The following SYNRG variants were observed in gnomAD, a reference collection of about 807,000 sequenced individuals.
SYNRG encodes the protein synergin gamma.
SYNRG carries 37 observed loss-of-function variants against 130.9 expected under a neutral mutation model. That is an observed-to-expected ratio of 0.28 (90% CI 0.22 to 0.37). The LOEUF (loss-of-function observed/expected upper bound fraction) is 0.37, where lower values mean the gene tolerates loss of function less well. SYNRG is among the 10% of genes least tolerant of loss of function. The probability of loss-of-function intolerance (pLI) is 1.00; values close to 1 mark genes in which losing one functional copy is unlikely to be tolerated. For synonymous variants in SYNRG, 539 were observed against 568.1 expected, an observed-to-expected ratio of 0.95 and a Z score of 0.73; for missense variants, 1,338 against 1,588.9, an observed-to-expected ratio of 0.84 and a Z score of 2.68.
chr17:37,607,136 T>C (rs1284891336), intron 1 of SYNRG, among the ~76,000 whole-genome samples: 1 of 152,188 alleles, frequency 6.6e-6, no homozygotes, highest in African/African-American at 2.4e-5. Flanking sequence ...TAACCACTTC[T>C]TTCTCTCCTG....
chr17:37,570,084 T>C (rs1276292575), intron 10 of SYNRG, among the ~76,000 whole-genome samples: 2 of 151,984 alleles, frequency 1.3e-5, no homozygotes, highest in African/African-American at 4.8e-5. Flanking sequence ...GAGTTACTAT[T>C]CTTGGGATAG....
intron 1 of SYNRG, 139 bp from the exon 2 acceptor site, chr17:37,600,542 A>T: frequency 1.2e-6 from 1 of 820,856 alleles, no homozygotes; most frequent in Non-Finnish European, 2.1e-6. Context: ...ATTGCCCAAC[A>T]TCAGTACACT....
At chr17:37,535,467 A>G (rs1384117323) in intron 19 of SYNRG, among the ~76,000 whole-genome samples, 1 of 152,224 alleles carries the variant, frequency 6.6e-6, no homozygotes, top group African/African-American at 2.4e-5. Context: ...AGACACACAC[A>G]CTGACCTCCT....
intron 19 of SYNRG, among the ~76,000 whole-genome samples, chr17:37,532,632 C>CATTG (rs1269879464): frequency 7.6e-6 from 1 of 130,944 alleles, no homozygotes; most frequent in Non-Finnish European, 1.5e-5. Flanking sequence ...GAGATTGCAC[C>CATTG]ATTGCACTCC....
chr17:37,520,982 G>A (rs1041538706), intron 19 of SYNRG, among the ~76,000 whole-genome samples: 1 of 152,010 alleles, frequency 6.6e-6, no homozygotes, highest in African/African-American at 2.4e-5. Flanking sequence ...AGCCCAACTC[G>A]AGGAGGATGG....
At chr17:37,532,333 A>G (rs192911441) in intron 19 of SYNRG, among the ~76,000 whole-genome samples, 1 of 152,172 alleles carries the variant, frequency 6.6e-6, no homozygotes, top group South Asian at 2.1e-4. Flanking sequence ...CCACATCAAC[A>G]CTATTAGTAT....
At chr17:37,566,031 C>T (rs2059956207) in intron 11 of SYNRG, among the ~76,000 whole-genome samples, 4 of 149,036 alleles carry the variant, frequency 2.7e-5, no homozygotes, top group African/African-American at 1.0e-4. Flanking sequence ...GCCCCCCGCC[C>T]GGCCAGCCGT....
In SYNRG at chr17:37,571,801, G is replaced by A. The variant is rs1249672678; in HGVS notation, c.1088C>T (p.Ala363Val). Residue 363 changes from alanine to valine, a missense_variant, in exon 9 of 22, where the codon GCG becomes GTG. By Grantham distance (64) the Ala-to-Val change is moderately conservative (BLOSUM62 0). Coordinates refer to ENST00000612223, the MANE Select transcript of SYNRG (RefSeq NM_007247.6). ...AGAAACATTGTTTACCTGTGTTACCGCTATCATGGCTAGAACGGTATAAAG... is the reference window on the plus strand; with the variant it reads ...AGAAACATTGTTTACCTGTGTTACCACTATCATGGCTAGAACGGTATAAAG... ...EELYTVLAMI[A>V]VTQRGVPAMS... 1.0e-5 allele frequency: 16 copies of A among 1,607,408 alleles called. No homozygotes were observed. The highest frequency in any genetic ancestry group is 1.4e-5 in the Non-Finnish European group (16 of 1,177,556).
chr17:37,541,883 A>C, intron 15 of SYNRG, 89 bp downstream of exon 15: 1 of 1,241,000 alleles, frequency 8.1e-7, no homozygotes, highest in Admixed American at 2.2e-5. Context: ...TTCCTGCGAA[A>C]CCAGAGAGCA....
chr17:37,561,112 G>T (rs2059496955), intron 13 of SYNRG, 83 bp downstream of exon 13: 2 of 1,145,318 alleles, frequency 1.7e-6, no homozygotes, highest in Non-Finnish European at 2.6e-6. Flanking sequence ...AAAATAAAGG[G>T]AATGCCACTG....
At chr17:37,584,816 C>T (rs2061576397) in intron 5 of SYNRG, 57 bp from the exon 6 acceptor site, 1 of 1,313,812 alleles carries the variant, frequency 7.6e-7, no homozygotes, top group African/African-American at 1.5e-5. Context: ...GTATCCTAAA[C>T]CCTCCCAAAT....
chr17:37,570,893 TGATA>T lies in SYNRG; in HGVS notation c.1099-12_1099-9del, dbSNP rs1157147265. On this transcript the variant is annotated splice_polypyrimidine_tract_variant and intron_variant, in intron 9 of 21. Transcript: ENST00000612223. Reference sequence around the variant, plus strand: ...CATTGCAGGAACGCCCCTCTACAAATGATAGAAAGAAAATGGATTAGAGGATTGT... The same window carrying T: ...CATTGCAGGAACGCCCCTCTACAAATGAAAGAAAATGGATTAGAGGATTGT... 1 of 1,608,112 alleles carries T rather than the reference TGATA, an allele frequency of 6.2e-7. No homozygotes were observed. The highest frequency in any genetic ancestry group is 1.3e-5 in the African/African-American group (1 of 74,598).
intron 3 of SYNRG, among the ~76,000 whole-genome samples, chr17:37,592,340 C>T (rs8077008): frequency 0.16 from 24,155 of 152,042 alleles, 2,092 homozygotes; most frequent in Middle Eastern, 0.27. Context: ...GATACATTGC[C>T]GGTGGGAATG....
At chr17:37,604,785 T>G (rs1308405483) in intron 1 of SYNRG, among the ~76,000 whole-genome samples, 1 of 152,154 alleles carries the variant, frequency 6.6e-6, no homozygotes, top group African/African-American at 2.4e-5. Flanking sequence ...TCCTTTCACT[T>G]GAACACTTAG....
chr17:37,596,390 A>G (rs1336235691), intron 2 of SYNRG, 46 bp from the exon 3 acceptor site: 2 of 1,603,800 alleles, frequency 1.2e-6, no homozygotes, highest in Non-Finnish European at 1.7e-6. Flanking sequence ...TTTAAAGTTT[A>G]TTTTCTTAAA....
chr17:37,536,332 T>A, intron 18 of SYNRG: 1 of 603,854 alleles, frequency 1.7e-6, no homozygotes, highest in Non-Finnish European at 2.7e-6. Flanking sequence ...ACTGCTTGGG[T>A]TCAAACCCCA....
At position 37,607,955 on chromosome 17, in the gene SYNRG, C is replaced by CAAAAAAA. The variant is rs67822733; in HGVS notation, c.77+1317_77+1323dup. The stretch of plus-strand genomic sequence containing the variant: ...TGGGCAACAGAGCAAGACTTCCTCT[C>CAAAAAAA]AAAAAAAAAAAAAAAAAAAAAAAAA... On this transcript the variant is annotated intron_variant, in intron 1 of 21. Coordinates refer to ENST00000612223, the MANE Select transcript of SYNRG (RefSeq NM_007247.6). 6.4e-3 allele frequency among the ~76,000 whole-genome samples: 327 copies of CAAAAAAA among 50,994 alleles called. 18 individuals carry two copies. Among genetic ancestry groups the CAAAAAAA allele is most frequent in the East Asian group, 0.016 (25 of 1,554 alleles). The allele number at this position is 50,994 out of a possible 152,430, so 33.5% of individuals were successfully genotyped here.
At chr17:37,608,626 C>CAG (rs1375080354) in intron 1 of SYNRG, among the ~76,000 whole-genome samples, 6 of 152,164 alleles carry the variant, frequency 3.9e-5, no homozygotes, top group African/African-American at 7.2e-5. Context: ...TGCTGTTTAA[C>CAG]AGTGCACTTT....
rs544406376 is a variant in SYNRG at position 37,524,498 on chromosome 17, G to GT, written c.3667-3851dup. ...GTTTTCAGAGAAGAAAAGGTGAGGTGTATGTTTCAACTGTGTGCAAAAGGA... is the reference window on the plus strand; with the variant it reads ...GTTTTCAGAGAAGAAAAGGTGAGGTGTTATGTTTCAACTGTGTGCAAAAGGA... On this transcript the variant is annotated intron_variant, in intron 19 of 21. Coordinates refer to ENST00000612223, the MANE Select transcript of SYNRG (RefSeq NM_007247.6). 4.1e-4 allele frequency among the ~76,000 whole-genome samples: 63 copies of GT among 152,366 alleles called. 2 individuals are homozygous for GT. The South Asian group carries it at 0.013, about 31-fold the overall frequency.
Sources: allele counts gnomAD v4.1 joint callset (sites outside exome capture counted in the v4.1 genomes callset), GRCh38; gene constraint gnomAD v4.1.1; transcripts MANE v1.5; gene names NCBI Gene and HGNC (gene_info 2026-07-23, HGNC 2026-07-21).